Variants in PDE7B observed in about 807,000 individuals in gnomAD.
PDE7B encodes the protein 3',5'-cyclic-AMP phosphodiesterase 7B.
PDE7B carries 29 observed loss-of-function variants against 56.2 expected under a neutral mutation model. The ratio of observed to expected loss-of-function variants is 0.52; its 90% CI spans 0.38 to 0.70. The LOEUF is 0.70. Among genes scored for constraint, PDE7B ranks in the 30% least tolerant of loss-of-function variants. The pLI, the probability that PDE7B is intolerant of heterozygous loss-of-function variation, is 0.00. For missense variants in PDE7B, 490 were observed against 565.0 expected, an observed-to-expected ratio of 0.87 and a Z score of 1.35; for synonymous variants, 197 against 196.9, an observed-to-expected ratio of 1.00 and a Z score of 0.00.
intron 2 of PDE7B, among the ~76,000 whole-genome samples, chr6:136,090,132 T>C (rs1013910326): frequency 3.9e-5 from 6 of 152,196 alleles, no homozygotes; most frequent in African/African-American, 1.4e-4. Flanking sequence ...AAGCGACTGT[T>C]CTTTTTTATC....
chr6:135,968,962 C>T (rs773228763), intron 2 of PDE7B, among the ~76,000 whole-genome samples: 4 of 152,008 alleles, frequency 2.6e-5, no homozygotes, highest in Admixed American at 6.6e-5. Context: ...AGCCATAAAA[C>T]GGAATGAGAT....
intron 2 of PDE7B, among the ~76,000 whole-genome samples, chr6:136,035,710 A>G (rs1482353290): frequency 6.6e-6 from 1 of 152,234 alleles, no homozygotes; most frequent in Non-Finnish European, 1.5e-5. Context: ...ACTAGGAAGT[A>G]TTCGTGCTCA....
rs144731926 is a variant in PDE7B, at chr6:136,179,112, G to T, written c.919G>T (p.Asp307Tyr). 8.7e-6 allele frequency: 14 copies of T among 1,614,052 alleles called. No individual in the cohort carries two copies. In the South Asian group the frequency reaches 1.5e-4, roughly 18 times the overall value. The change falls in exon 10 of 13, where the codon GAT (aspartate) becomes TAT (tyrosine). Residue 307 changes from aspartate (D) to tyrosine (Y), a missense_variant. Transcript: ENST00000308191. ...HLHNKDLRLE[D>Y]AQDRHFMLQI... Reference sequence around the variant, plus strand: ...CCACAATAAAGACTTAAGACTGGAGGATGCACAGGACAGGCACTTTATGCT... The same window carrying T: ...CCACAATAAAGACTTAAGACTGGAGTATGCACAGGACAGGCACTTTATGCT...
Position 136,192,061 on chromosome 6 carries a change from T to C in PDE7B, c.*221T>C, listed in dbSNP as rs1779238008. On this transcript the variant is annotated 3_prime_UTR_variant, in exon 13 of 13. Coordinates refer to ENST00000308191, the MANE Select transcript of PDE7B (RefSeq NM_018945.4). ...TTCGCTGCCGAAATGAGCAACTCCA[T>C]TCAGTAACGTGGGAGCTGATCCCAC... 1 of 560,320 alleles carries C rather than the reference T, an allele frequency of 1.8e-6. No individual in the cohort carries two copies. The highest frequency in any genetic ancestry group is 3.2e-6 in the Non-Finnish European group (1 of 310,528). The allele number at this position is 560,320 out of a possible 1,614,324, so 34.7% of individuals were successfully genotyped here.
chr6:136,115,219 A>G (rs959132573), intron 3 of PDE7B, among the ~76,000 whole-genome samples: 1 of 152,200 alleles, frequency 6.6e-6, no homozygotes, highest in African/African-American at 2.4e-5. Flanking sequence ...TAATAACAGC[A>G]TACATAATAT....
intron 11 of PDE7B, 78 bp from the exon 12 acceptor site, chr6:136,186,958 G>A (rs910988182): frequency 1.4e-5 from 11 of 799,486 alleles, no homozygotes; most frequent in Admixed American, 3.9e-5. Flanking sequence ...CTTCCGACGA[G>A]GTCATTAAAA....
At chr6:136,090,184 G>C (rs978786801) in intron 2 of PDE7B, among the ~76,000 whole-genome samples, 2 of 152,104 alleles carry the variant, frequency 1.3e-5, no homozygotes, top group Non-Finnish European at 2.9e-5. Context: ...CATTGGGTGG[G>C]GTAGCTTGGG....
At chr6:136,105,187 A>T (rs879915382) in intron 2 of PDE7B, among the ~76,000 whole-genome samples, 3 of 152,192 alleles carry the variant, frequency 2.0e-5, no homozygotes, top group Non-Finnish European at 4.4e-5. Context: ...ATGCTCTTTG[A>T]TTGAACCGTG....
chr6:135,883,241 C>T (rs963783272), intron 1 of PDE7B, among the ~76,000 whole-genome samples: 5 of 152,132 alleles, frequency 3.3e-5, no homozygotes, highest in African/African-American at 1.2e-4. Context: ...ACATGCGGCT[C>T]AATTGGACAT....
At chr6:136,088,110 A>ACC (rs1777322237) in intron 2 of PDE7B, among the ~76,000 whole-genome samples, 1 of 152,126 alleles carries the variant, frequency 6.6e-6, no homozygotes, top group Non-Finnish European at 1.5e-5. Flanking sequence ...TGTTTCTTTT[A>ACC]CCAGGGACAT....
At chr6:136,063,167 C>A (rs1357569773) in intron 2 of PDE7B, among the ~76,000 whole-genome samples, 2 of 152,182 alleles carry the variant, frequency 1.3e-5, no homozygotes, top group Non-Finnish European at 2.9e-5. Flanking sequence ...ATATGTGAAT[C>A]TGAGTCTCAA....
chr6:136,008,202 A>G (rs1325008902), intron 2 of PDE7B, among the ~76,000 whole-genome samples: 1 of 151,992 alleles, frequency 6.6e-6, no homozygotes, highest in Non-Finnish European at 1.5e-5. Flanking sequence ...CATGGTGTAT[A>G]TGTGCCACAT....
chr6:136,036,028 C>T (rs563801947), intron 2 of PDE7B, among the ~76,000 whole-genome samples: 83 of 152,238 alleles, frequency 5.5e-4, no homozygotes, highest in African/African-American at 1.9e-3. Context: ...GTTGTTATGT[C>T]AAGGAAGTTT....
At chr6:135,874,234 GTC>G (rs1775446889) in intron 1 of PDE7B, among the ~76,000 whole-genome samples, 1 of 152,154 alleles carries the variant, frequency 6.6e-6, no homozygotes, top group South Asian at 2.1e-4. Context: ...GATGTCGTGA[GTC>G]TCTCTGTTAT....
chr6:136,100,196 G>T (rs991333756), intron 2 of PDE7B, among the ~76,000 whole-genome samples: 1 of 152,176 alleles, frequency 6.6e-6, no homozygotes, highest in African/African-American at 2.4e-5. Flanking sequence ...ATAGTTTGCA[G>T]TCAGGTAACG....
chr6:136,174,875 T>C (rs1035905507), intron 9 of PDE7B, among the ~76,000 whole-genome samples: 2 of 152,162 alleles, frequency 1.3e-5, no homozygotes, highest in Non-Finnish European at 2.9e-5. Flanking sequence ...TTATGCCTCT[T>C]ACTAGAATAA....
chr6:135,905,182 A>C (rs111669146), intron 1 of PDE7B, among the ~76,000 whole-genome samples: 2 of 152,222 alleles, frequency 1.3e-5, no homozygotes, highest in African/African-American at 4.8e-5. Context: ...GAACTAAAAA[A>C]TCAACCAAGT....
At chr6:136,109,112 G>A (rs2128217984) in intron 3 of PDE7B, among the ~76,000 whole-genome samples, 1 of 152,300 alleles carries the variant, frequency 6.6e-6, no homozygotes, top group African/African-American at 2.4e-5. Flanking sequence ...ACTTCGGGAG[G>A]CCAAGGTGGG....
intron 2 of PDE7B, among the ~76,000 whole-genome samples, chr6:135,962,890 C>T (rs530587646): frequency 2.0e-5 from 3 of 152,284 alleles, no homozygotes; most frequent in East Asian, 1.9e-4. Flanking sequence ...GATCAACATG[C>T]CACCCATTGA....
Sources: gnomAD v4.1 joint callset for allele counts (sites outside exome capture counted in the v4.1 genomes callset) on GRCh38, gnomAD v4.1.1 for gene constraint, MANE v1.5 for transcripts, NCBI Gene and HGNC (gene_info 2026-07-23, HGNC 2026-07-21) for gene names.